The following CCDC7 variants were observed in gnomAD, a reference collection of about 807,000 sequenced individuals.
CCDC7 encodes coiled-coil domain containing 7, also known as coiled-coil domain-containing protein 7.
In CCDC7, 183 loss-of-function variants were observed where a neutral mutation model predicts 196.9. The ratio of observed to expected loss-of-function variants is 0.93; its 90% CI spans 0.82 to 1.05. The LOEUF is 1.05. Among genes scored for constraint, CCDC7 ranks in the 50% least tolerant of loss-of-function variants. CCDC7 has a pLI of 0.00. For missense variants in CCDC7, 1,540 were observed against 1,482.2 expected (o/e 1.04, Z -0.64); for synonymous variants, 525 against 484.6 (o/e 1.08, Z -1.10).
intron 20 of CCDC7, among the ~76,000 whole-genome samples, chr10:32,643,840 A>G (rs895557322): frequency 8.9e-5 from 12 of 134,968 alleles, no homozygotes; most frequent in Middle Eastern, 4.0e-3. Context: ...CTTTTTTTGA[A>G]AATTAATTTT....
chr10:32,801,884 A>G (rs1030301470), intron 29 of CCDC7, among the ~76,000 whole-genome samples: 2 of 152,194 alleles, frequency 1.3e-5, no homozygotes, highest in African/African-American at 2.4e-5. Flanking sequence ...CCTCCGCCCA[A>G]AAAGTCTCAT....
At chr10:32,772,386 G>A (rs2079307960) in intron 28 of CCDC7, among the ~76,000 whole-genome samples, 2 of 152,288 alleles carry the variant, frequency 1.3e-5, no homozygotes, top group Non-Finnish European at 2.9e-5. Flanking sequence ...ACAGCTACTG[G>A]GAGTCATAAA....
At chr10:32,828,416 G>GAGAAGGAGAAGA (rs1555179165) in intron 32 of CCDC7, among the ~76,000 whole-genome samples, 3 of 100,658 alleles carry the variant, frequency 3.0e-5, no homozygotes, top group African/African-American at 1.2e-4. Context: ...GAAGGAGAAG[G>GAGAAGGAGAAGA]AGAAGAAGAA....
chr10:32,471,130 A>T (rs753012735), exon 6 of CCDC7: 1 of 1,612,744 alleles, frequency 6.2e-7, no homozygotes. Flanking sequence ...CATTTTAAAT[A>T]TTGCAGAAAT....
At chr10:32,588,228 C>T (rs1015950817) in intron 18 of CCDC7, among the ~76,000 whole-genome samples, 2 of 152,182 alleles carry the variant, frequency 1.3e-5, no homozygotes, top group Non-Finnish European at 2.9e-5. Context: ...ATTACCAAGT[C>T]TCAGGTATTC....
At chr10:32,757,796 A>G (rs771977846) in intron 28 of CCDC7, among the ~76,000 whole-genome samples, 7 of 152,230 alleles carry the variant, frequency 4.6e-5, no homozygotes, top group Non-Finnish European at 8.8e-5. Context: ...ACCCTTCAAA[A>G]AATCAATGAA....
chr10:32,778,874 C>T (rs769908385), intron 28 of CCDC7, 103 bp from the exon 30 acceptor site: 42 of 777,126 alleles, frequency 5.4e-5, no homozygotes, highest in Non-Finnish European at 5.9e-5. Context: ...TTGCAGTTCT[C>T]GTTGTAGAGA....
intron 24 of CCDC7, among the ~76,000 whole-genome samples, chr10:32,701,679 T>C (rs1194497906): frequency 2.0e-5 from 3 of 152,212 alleles, no homozygotes; most frequent in Non-Finnish European, 4.4e-5. Context: ...CTACTAATTA[T>C]TGCCTCAATT....
chr10:32,616,007 C>T (rs1052799265), intron 18 of CCDC7, among the ~76,000 whole-genome samples: 28 of 151,934 alleles, frequency 1.8e-4, no homozygotes, highest in African/African-American at 6.0e-4. Flanking sequence ...TATTCTCTTC[C>T]ATTGATCTGT....
At chr10:32,795,670 CTTCT>C (rs535211451) in intron 29 of CCDC7, among the ~76,000 whole-genome samples, 152 of 152,104 alleles carry the variant, frequency 1.0e-3, no homozygotes, top group African/African-American at 3.5e-3. Flanking sequence ...ATTTATTTGT[CTTCT>C]TTGTCTGGCT....
At chr10:32,514,164 A>G (rs1441119124) in intron 9 of CCDC7, 1 of 152,158 alleles carries the variant, frequency 6.6e-6, no homozygotes, top group Non-Finnish European at 1.5e-5. Context: ...AACAAAAACA[A>G]TTTGTATTTC....
chr10:32,494,032 A>G (rs1204078705), intron 9 of CCDC7, among the ~76,000 whole-genome samples: 1 of 152,104 alleles, frequency 6.6e-6, no homozygotes, highest in Non-Finnish European at 1.5e-5. Context: ...TACAGAAACT[A>G]TTTAGCTTGA....
chr10:32,853,661 T>C (rs1442681764), intron 40 of CCDC7, among the ~76,000 whole-genome samples: 1 of 152,216 alleles, frequency 6.6e-6, no homozygotes, highest in East Asian at 1.9e-4. Flanking sequence ...TATGTATCTT[T>C]ACAATTGCAT....
chr10:32,699,874 A>G (rs975348785), intron 24 of CCDC7, among the ~76,000 whole-genome samples: 1 of 149,416 alleles, frequency 6.7e-6, no homozygotes, highest in African/African-American at 2.6e-5. Flanking sequence ...ATCTGTTCAT[A>G]TCCTATGCCC....
chr10:32,699,525 T>A (rs1421263946), intron 24 of CCDC7, among the ~76,000 whole-genome samples: 1 of 149,010 alleles, frequency 6.7e-6, no homozygotes, highest in African/African-American at 2.6e-5. Context: ...CGTGTGCATG[T>A]GTCTTTATAG....
intron 28 of CCDC7, among the ~76,000 whole-genome samples, chr10:32,755,578 C>G (rs2076297974): frequency 6.6e-6 from 1 of 152,012 alleles, no homozygotes; most frequent in Admixed American, 6.6e-5. Flanking sequence ...GAAAGGACAT[C>G]CACACCAAAA....
chr10:32,704,890 G>A (rs976230940), intron 24 of CCDC7, among the ~76,000 whole-genome samples: 1 of 152,128 alleles, frequency 6.6e-6, no homozygotes, highest in African/African-American at 2.4e-5. Context: ...GGAGTGACTC[G>A]ATTTTCCAGG....
chr10:32,627,588 A>G (rs1437665058), intron 18 of CCDC7, among the ~76,000 whole-genome samples: 1 of 151,956 alleles, frequency 6.6e-6, no homozygotes, highest in East Asian at 1.9e-4. Context: ...TGTCTTGTCC[A>G]GATCTTAGAG....
intron 28 of CCDC7, among the ~76,000 whole-genome samples, chr10:32,777,056 C>T (rs1051379788): frequency 6.6e-6 from 1 of 152,122 alleles, no homozygotes; most frequent in East Asian, 1.9e-4. Flanking sequence ...CTTCCTCCCC[C>T]TTTTAGTATT....
Sources: allele counts gnomAD v4.1 joint callset (sites outside exome capture counted in the v4.1 genomes callset), GRCh38; gene constraint gnomAD v4.1.1; transcripts MANE v1.5; gene names NCBI Gene and HGNC (gene_info 2026-07-23, HGNC 2026-07-21).